The following SORBS2 variants were observed in gnomAD, a reference collection of about 807,000 sequenced individuals.
The protein encoded by SORBS2 is sorbin and SH3 domain containing 2.
Under a neutral mutation model 97.7 loss-of-function variants are expected in SORBS2, and 46 were observed. The ratio of observed to expected loss-of-function variants is 0.47; its 90% CI spans 0.37 to 0.60. The LOEUF (loss-of-function observed/expected upper bound fraction) is 0.60, where lower values mean the gene tolerates loss of function less well. SORBS2 is among the 20% of genes least tolerant of loss of function. SORBS2 has a pLI of 0.00. For missense variants in SORBS2, 1,316 were observed against 1,282.3 expected (o/e 1.03, Z -0.40); for synonymous variants, 476 against 473.4 (o/e 1.01, Z -0.07).
At position 185,623,693 on chromosome 4, in the gene SORBS2, G is replaced by A. The variant is rs1468702721; in HGVS notation, c.1436C>T (p.Ala479Val). 1.9e-6 allele frequency: 3 copies of A among 1,613,924 alleles called. No homozygotes were observed. Among genetic ancestry groups the A allele is most frequent in the East Asian group, 2.2e-5 (1 of 44,878 alleles). ...GACTTCAATGTGAATGGGCACCAGGGCGTTAGACTGGCAGCCTCGCCGGCC... is the reference window on the plus strand; with the variant it reads ...GACTTCAATGTGAATGGGCACCAGGACGTTAGACTGGCAGCCTCGCCGGCC... The change falls in exon 7 of 15, where the codon GCC becomes GTC. Residue 479 changes from alanine to valine, a missense_variant. Ala to Val is a moderately conservative substitution (Grantham distance 64). Transcript: ENST00000418609. This position sits in a 1 kb window ranked among gnomAD's most constrained non-coding sequence, Gnocchi z 6.4.
At chr4:185,903,092 T>C (rs1217972809) in intron 1 of SORBS2, among the ~76,000 whole-genome samples, 3 of 152,180 alleles carry the variant, frequency 2.0e-5, no homozygotes, top group African/African-American at 4.8e-5. Context: ...GAGCAAAATA[T>C]GCATGTAACA....
chr4:185,907,799 A>G (rs1329623036), intron 1 of SORBS2, among the ~76,000 whole-genome samples: 2 of 152,134 alleles, frequency 1.3e-5, no homozygotes, highest in Non-Finnish European at 2.9e-5. Context: ...AAATTGCACA[A>G]TTCAGTTTAA....
At chr4:185,603,025 T>C (rs73020275) in intron 12 of SORBS2, among the ~76,000 whole-genome samples, 2,233 of 152,314 alleles carry the variant, frequency 0.015, 58 homozygotes, top group African/African-American at 0.051. Flanking sequence ...TTTTAAAACA[T>C]AGTTATTGTG....
At chr4:185,842,584 A>G (rs2099212215) in intron 1 of SORBS2, among the ~76,000 whole-genome samples, 2 of 152,294 alleles carry the variant, frequency 1.3e-5, no homozygotes, top group South Asian at 4.1e-4. Flanking sequence ...AATAGTCACT[A>G]GAGAAACCAG....
At chr4:185,612,034 A>C in intron 11 of SORBS2, 54 bp from the exon 24 acceptor site, 1 of 1,208,980 alleles carries the variant, frequency 8.3e-7, no homozygotes, top group Non-Finnish European at 1.2e-6. Flanking sequence ...TAACATGAAA[A>C]TATAATTGTC....
chr4:185,914,734 T>C lies in SORBS2; in HGVS notation c.-338+41462A>G, dbSNP rs1004577136. Among the ~76,000 whole-genome samples, 3 of 152,260 alleles carry C rather than the reference T, an allele frequency of 2.0e-5. No homozygotes were observed. In the South Asian group the frequency reaches 6.2e-4, roughly 31 times the overall value. ...TGACGTTTACAAATACCACGAGGCC[T>C]GACCATCAGGCAGCTTTGTTTTCAT... On this transcript the variant is annotated intron_variant, in intron 1 of 20. Transcript: ENST00000284776.
intron 8 of SORBS2, 141 bp from the exon 21 acceptor site, chr4:185,618,772 A>G: frequency 4.3e-6 from 2 of 462,530 alleles, no homozygotes; most frequent in East Asian, 5.9e-5. Context: ...CAATTTATAA[A>G]TAAGTCCATT....
At chr4:185,711,476 G>T (rs995130080) in intron 2 of SORBS2, among the ~76,000 whole-genome samples, 2 of 152,172 alleles carry the variant, frequency 1.3e-5, no homozygotes, top group Non-Finnish European at 2.9e-5. Flanking sequence ...AGTTCACATG[G>T]TCTCTTGCTG....
At chr4:185,783,831 G>T (rs896091535) in intron 1 of SORBS2, among the ~76,000 whole-genome samples, 6 of 152,128 alleles carry the variant, frequency 3.9e-5, no homozygotes, top group Non-Finnish European at 7.4e-5. Flanking sequence ...TTCCTTCGAG[G>T]ATCATTTTCA....
chr4:185,621,477 T>C (rs1044233329), intron 7 of SORBS2, among the ~76,000 whole-genome samples: 3 of 152,196 alleles, frequency 2.0e-5, no homozygotes, highest in Non-Finnish European at 4.4e-5. Context: ...TATATTAGGA[T>C]ATTAAAAGCC....
chr4:185,946,084 T>A (rs936933195), intron 1 of SORBS2, among the ~76,000 whole-genome samples: 5 of 151,846 alleles, frequency 3.3e-5, no homozygotes, highest in Non-Finnish European at 7.4e-5. Context: ...GAGGAAGTGA[T>A]CCTTTTGGGG....
chr4:185,611,790 C>T (rs2153403577), exon 12 of SORBS2: 3 of 1,613,788 alleles, frequency 1.9e-6, no homozygotes, highest in South Asian at 1.1e-5. Flanking sequence ...CTTATTTGAG[C>T]TCAAGCTGTG....
intron 4 of SORBS2, among the ~76,000 whole-genome samples, chr4:185,631,726 C>T (rs570283981): frequency 8.5e-4 from 130 of 152,152 alleles, no homozygotes; most frequent in African/African-American, 2.9e-3. Context: ...GGCGCCACTG[C>T]ACTCCAGCCT....
chr4:185,630,884 C>T lies in SORBS2; in HGVS notation c.397-286G>A, dbSNP rs1397746344. Among the ~76,000 whole-genome samples the T allele has an allele frequency of 2.0e-5, 3 of 152,138 alleles. No homozygotes were observed. The East Asian group carries it at 5.8e-4, about 29-fold the overall frequency. ...TGGGGGGAAATTAATAATATTTTCT[C>T]AGGGACACTGAAATAAGAGCTAAAG... On this transcript the variant is annotated intron_variant, in intron 4 of 14. Coordinates refer to ENST00000418609, the Ensembl canonical transcript of SORBS2.
chr4:185,737,089 A>G (rs1405737212), intron 2 of SORBS2, among the ~76,000 whole-genome samples: 1 of 152,196 alleles, frequency 6.6e-6, no homozygotes, highest in Non-Finnish European at 1.5e-5. Flanking sequence ...AGAACTGGCA[A>G]TGCTCACTGG....
intron 2 of SORBS2, chr4:185,773,919 G>A (rs935909536): frequency 8.0e-5 from 12 of 149,830 alleles, no homozygotes; most frequent in Non-Finnish European, 1.2e-4. Flanking sequence ...AGTTTCACTC[G>A]TAAAACAGAC....
intron 4 of SORBS2, among the ~76,000 whole-genome samples, chr4:185,672,703 A>G (rs1277729711): frequency 1.3e-5 from 2 of 152,246 alleles, no homozygotes; most frequent in Admixed American, 1.3e-4. Flanking sequence ...AAAACTTCTG[A>G]AACACTGAAA....
chr4:185,811,764 G>A (rs1415503140), intron 1 of SORBS2: 1 of 152,302 alleles, frequency 6.6e-6, no homozygotes, highest in Non-Finnish European at 1.5e-5. Context: ...ACAGGAAGCA[G>A]GTAAACCCGA....
At chr4:185,862,818 G>T (rs1330926107) in intron 1 of SORBS2, among the ~76,000 whole-genome samples, 1 of 152,142 alleles carries the variant, frequency 6.6e-6, no homozygotes, top group Non-Finnish European at 1.5e-5. Context: ...TGGTGGTGGG[G>T]CTGTCTTCCC....
Sources: allele counts gnomAD v4.1 joint callset (sites outside exome capture counted in the v4.1 genomes callset), GRCh38; gene constraint gnomAD v4.1.1; non-coding constraint Gnocchi (gnomAD v3.1); transcripts MANE v1.5; gene names NCBI Gene and HGNC (gene_info 2026-07-23, HGNC 2026-07-21).